The following CDC42EP3 variants were observed in gnomAD, a reference collection of about 807,000 sequenced individuals.
The protein encoded by CDC42EP3 is CDC42 effector protein 3.
In CDC42EP3, 4 loss-of-function variants were observed where a neutral mutation model predicts 15.5. The observed-to-expected ratio is 0.26, with a 90% CI of 0.13 to 0.59. The LOEUF (loss-of-function observed/expected upper bound fraction) is 0.59. Ranked by LOEUF, CDC42EP3 falls within the 20% of genes least tolerant of loss-of-function variation. The probability of loss-of-function intolerance (pLI) is 0.89; values close to 1 mark genes in which losing one functional copy is unlikely to be tolerated. For synonymous variants in CDC42EP3, 145 were observed against 130.3 expected (o/e 1.11, Z -0.77); for missense variants, 309 against 311.2 (o/e 0.99, Z 0.05).
chr2:37,658,461 T>C (rs568407334), intron 1 of CDC42EP3, among the ~76,000 whole-genome samples: 27 of 152,296 alleles, frequency 1.8e-4, no homozygotes, highest in African/African-American at 6.5e-4. Flanking sequence ...ACAGTGGCCC[T>C]TCCCAGAGAG....
chr2:37,660,039 T>A (rs1326430738), intron 1 of CDC42EP3, among the ~76,000 whole-genome samples: 1 of 152,296 alleles, frequency 6.6e-6, no homozygotes, highest in South Asian at 2.1e-4. Context: ...ATGGAGATAA[T>A]CATCCCAAAC....
At chr2:37,664,077 G>A (rs958389162) in intron 1 of CDC42EP3, among the ~76,000 whole-genome samples, 2 of 152,220 alleles carry the variant, frequency 1.3e-5, no homozygotes, top group Non-Finnish European at 2.9e-5. Context: ...GGGAGGCTGA[G>A]GCAGGAGAAT....
intron 1 of CDC42EP3, among the ~76,000 whole-genome samples, chr2:37,652,601 G>C (rs1665726311): frequency 6.6e-6 from 1 of 152,036 alleles, no homozygotes; most frequent in South Asian, 2.1e-4. Context: ...AAGTCATGTG[G>C]TCACCCAGGC....
intron 1 of CDC42EP3, among the ~76,000 whole-genome samples, chr2:37,661,943 G>A (rs911605923): frequency 5.3e-5 from 8 of 152,088 alleles, no homozygotes; most frequent in African/African-American, 9.7e-5. Flanking sequence ...CATGCTCTGT[G>A]TCACTTAAAC....
chr2:37,648,042 T>A (rs1665532618), intron 1 of CDC42EP3, among the ~76,000 whole-genome samples: 1 of 152,176 alleles, frequency 6.6e-6, no homozygotes. Context: ...TTTGTGGTCG[T>A]TTGTTACCAG....
intron 1 of CDC42EP3, among the ~76,000 whole-genome samples, chr2:37,663,986 A>G (rs1666167152): frequency 6.6e-6 from 1 of 152,122 alleles, no homozygotes; most frequent in Non-Finnish European, 1.5e-5. Context: ...CATCCTGGCT[A>G]AGGCGGTGAA....
rs1232654331 is a variant in CDC42EP3, at chr2:37,642,876, G to C, written c.*2947C>G. On this transcript the variant is annotated 3_prime_UTR_variant, in exon 2 of 2. Coordinates refer to ENST00000295324, the MANE Select transcript of CDC42EP3 (RefSeq NM_006449.5). ...GTCTTTTGTGTGTGCTGTTAACAGT[G>C]ATTTCTGGCTCAGTGAAATGTGATA... The C allele has an allele frequency of 2.0e-5, 3 of 152,148 alleles. No individual in the cohort carries two copies. Among genetic ancestry groups the C allele is most frequent in the African/African-American group, 7.2e-5 (3 of 41,430 alleles). 9.4% of individuals were successfully genotyped at this position (152,148 alleles called of 1,614,324 possible).
intron 1 of CDC42EP3, among the ~76,000 whole-genome samples, chr2:37,666,156 C>A (rs1044897442): frequency 2.2e-4 from 34 of 152,192 alleles, no homozygotes; most frequent in African/African-American, 8.0e-4. Flanking sequence ...TGCTTCGGCT[C>A]TGTAGGACAT....
At position 37,645,497 on chromosome 2, in the gene CDC42EP3, G is replaced by C. The variant is rs974954391; in HGVS notation, c.*326C>G. On this transcript the variant is annotated 3_prime_UTR_variant, in exon 2 of 2. Transcript: ENST00000295324. ...TCCGTGAAGTTCCTTAATGTGACTC[G>C]CTCAGCCCTTCATAGCTAGTGCCAA... The C allele has an allele frequency of 1.5e-5, 3 of 199,906 alleles. No homozygotes were observed. The highest frequency in any genetic ancestry group is 4.6e-5 in the African/African-American group (2 of 43,114). The allele number at this position is 199,906 out of a possible 1,614,324, so 12.4% of individuals were successfully genotyped here.
At chr2:37,655,042 C>G (rs970488686) in intron 1 of CDC42EP3, among the ~76,000 whole-genome samples, 1 of 152,166 alleles carries the variant, frequency 6.6e-6, no homozygotes, top group Admixed American at 6.5e-5. Flanking sequence ...CTGTTTAACT[C>G]CACCCATTTG....
intron 1 of CDC42EP3, among the ~76,000 whole-genome samples, chr2:37,664,975 T>C (rs7586641): frequency 0.51 from 77,268 of 151,710 alleles, 19,959 homozygotes; most frequent in Non-Finnish European, 0.55. Context: ...GCTTAGTACC[T>C]AGGTGATGAA....
rs780696133 is a variant in CDC42EP3, at chr2:37,646,315, C to T, written c.273G>A (p.Ser91=). 6 of 1,613,996 alleles carry T rather than the reference C, an allele frequency of 3.7e-6. No individual in the cohort carries two copies. Among genetic ancestry groups the T allele is most frequent in the East Asian group, 4.5e-5 (2 of 44,878 alleles). ...HNEFFRANST[S]DSVFTETPSP... The stretch of plus-strand genomic sequence containing the variant: ...AGGGCGTTTCTGTGAACACAGAGTC[C>T]GAGGTGCTGTTGGCCCGGAAGAACT... The change falls in exon 2 of 2, where the codon TCG becomes TCA. Residue 91 remains serine, a synonymous_variant. Coordinates refer to ENST00000295324, the MANE Select transcript of CDC42EP3 (RefSeq NM_006449.5).
At chr2:37,647,114 G>C (rs995227251) in intron 1 of CDC42EP3, among the ~76,000 whole-genome samples, 10 of 152,210 alleles carry the variant, frequency 6.6e-5, no homozygotes, top group African/African-American at 2.4e-4. Flanking sequence ...TGTAAGCATA[G>C]GATCAGTGAT....
rs185894615 is a variant in CDC42EP3 at position 37,650,651 on chromosome 2, C to T, written c.-235-3829G>A. ...GGCTACCAAGCACGAAGCCACATGG[C>T]TGGGCTCTGAGCTTTGAGGTCTTGA... On this transcript the variant is annotated intron_variant, in intron 1 of 1. Coordinates refer to ENST00000295324, the MANE Select transcript of CDC42EP3 (RefSeq NM_006449.5). Among the ~76,000 whole-genome samples, 27 of 152,358 alleles carry T rather than the reference C, an allele frequency of 1.8e-4. No individual in the cohort carries two copies. The East Asian group carries it at 4.0e-3, about 23-fold the overall frequency.
At chr2:37,652,510 T>A (rs901167671) in intron 1 of CDC42EP3, among the ~76,000 whole-genome samples, 1 of 152,208 alleles carries the variant, frequency 6.6e-6, no homozygotes, top group African/African-American at 2.4e-5. Context: ...CTGTGGGCAC[T>A]GAGCCATCTG....
Position 37,646,082 on chromosome 2 carries a change from T to C in CDC42EP3, c.506A>G (p.Asp169Gly). 6.2e-7 allele frequency: 1 copy of C among 1,614,154 alleles called. No homozygotes were observed. Among genetic ancestry groups the C allele is most frequent in the Non-Finnish European group, 8.5e-7 (1 of 1,180,022 alleles). ...LLENGTVHQG[D>G]TSWGSSGSAS... Reference sequence around the variant, plus strand: ...AGAACCGCTGGAGCCCCACGAGGTGTCTCCCTGGTGGACTGTCCCATTCTC... The same window carrying C: ...AGAACCGCTGGAGCCCCACGAGGTGCCTCCCTGGTGGACTGTCCCATTCTC... Residue 169 changes from aspartate to glycine, a missense_variant, in exon 2 of 2, where the codon GAC becomes GGC. Physicochemically the swap from Asp to Gly is moderately conservative, Grantham distance 94 (BLOSUM62 -1). Transcript: ENST00000295324.
intron 1 of CDC42EP3, among the ~76,000 whole-genome samples, chr2:37,649,396 G>C (rs74893295): frequency 3.6e-5 from 5 of 137,694 alleles, no homozygotes; most frequent in African/African-American, 1.4e-4. Context: ...TCAAGGCTGC[G>C]GAGAGCTATG....
intron 1 of CDC42EP3, among the ~76,000 whole-genome samples, chr2:37,661,121 G>A (rs1185367747): frequency 7.1e-6 from 1 of 141,024 alleles, no homozygotes; most frequent in Admixed American, 7.7e-5. Context: ...GTGTGTGTGT[G>A]TGTGTGTGCG....
At chr2:37,669,676 C>G (rs1666346285) in intron 1 of CDC42EP3, among the ~76,000 whole-genome samples, 1 of 152,152 alleles carries the variant, frequency 6.6e-6, no homozygotes, top group South Asian at 2.1e-4. Context: ...GCAGATGATG[C>G]CATTGGAAAA....
Sources: allele counts gnomAD v4.1 joint callset (sites outside exome capture counted in the v4.1 genomes callset), GRCh38; gene constraint gnomAD v4.1.1; transcripts MANE v1.5; gene names NCBI Gene and HGNC (gene_info 2026-07-23, HGNC 2026-07-21).